The following MACF1 variants were observed in gnomAD, a reference collection of about 807,000 sequenced individuals.
The protein encoded by MACF1 is microtubule actin crosslinking factor 1.
A neutral mutation model predicts 854.8 loss-of-function variants in MACF1; 193 were observed. The observed-to-expected ratio is 0.23, with a 90% confidence interval of 0.20 to 0.25. MACF1 has a LOEUF of 0.25. MACF1 is among the 10% of genes least tolerant of loss of function. MACF1 has a pLI of 1.00. For synonymous variants in MACF1, 3,185 were observed against 3,226.7 expected (o/e 0.99, Z 0.44); for missense variants, 7,722 against 8,929.1 (o/e 0.86, Z 5.45).
intron 25 of MACF1, 44 bp downstream of exon 25, chr1:39,310,472 C>T (rs745494650): frequency 1.9e-6 from 3 of 1,568,894 alleles, no homozygotes; most frequent in Admixed American, 1.9e-5. Flanking sequence ...AGAATGAGAG[C>T]CTTTCAAGGG....
intron 26 of MACF1, 128 bp from the exon 27 acceptor site, chr1:39,315,385 A>G: frequency 1.4e-6 from 1 of 709,286 alleles, no homozygotes; most frequent in African/African-American, 1.8e-5. Context: ...TTCATAGTTT[A>G]TTCAACCAGC....
At chr1:39,447,087 T>C (rs940611579) in intron 80 of MACF1, among the ~76,000 whole-genome samples, 3 of 152,096 alleles carry the variant, frequency 2.0e-5, no homozygotes, top group African/African-American at 4.8e-5. Flanking sequence ...CCAAAGCAGG[T>C]TGTAGATCCT....
chr1:39,100,986 C>G (rs1357366991), intron 2 of MACF1, among the ~76,000 whole-genome samples: 2 of 152,108 alleles, frequency 1.3e-5, no homozygotes, highest in African/African-American at 4.8e-5. Context: ...GTCTTGAACT[C>G]CTGGGCTCAA....
intron 89 of MACF1, among the ~76,000 whole-genome samples, chr1:39,455,780 A>G (rs1440356338): frequency 1.3e-5 from 2 of 152,218 alleles, no homozygotes; most frequent in African/African-American, 4.8e-5. Context: ...GAAGGTGCAC[A>G]TTAGACTAAA....
At chr1:39,319,773 A>T in intron 31 of MACF1, 26 bp downstream of exon 31, 1 of 1,519,036 alleles carries the variant, frequency 6.6e-7, no homozygotes, top group African/African-American at 1.4e-5. Flanking sequence ...CCCAAAAAGA[A>T]CATGAATCAT....
chr1:39,100,935 T>C (rs1240669604), intron 2 of MACF1, among the ~76,000 whole-genome samples: 1 of 152,206 alleles, frequency 6.6e-6, no homozygotes, highest in Non-Finnish European at 1.5e-5. Flanking sequence ...TGTGTGTATG[T>C]ATATTTTTAG....
chr1:39,206,545 G>A (rs1644453034), intron 1 of MACF1: 1 of 152,064 alleles, frequency 6.6e-6, no homozygotes, highest in African/African-American at 2.4e-5. Context: ...TGTATTTTAA[G>A]TGCTTTCTTT....
chr1:39,252,542 TA>T (rs2148335477), intron 4 of MACF1, among the ~76,000 whole-genome samples: 1 of 152,318 alleles, frequency 6.6e-6, no homozygotes, highest in Admixed American at 6.5e-5. Context: ...GATTAGAGTA[TA>T]AGAGGAGTGT....
chr1:39,157,989 A>G (rs1643725501), intron 2 of MACF1, among the ~76,000 whole-genome samples: 1 of 152,210 alleles, frequency 6.6e-6, no homozygotes, highest in Admixed American at 6.5e-5. Flanking sequence ...ACTTTCAAAG[A>G]TGAGTCTAAT....
chr1:39,415,146 G>A (rs11206031), intron 58 of MACF1, among the ~76,000 whole-genome samples: 4,264 of 152,234 alleles, frequency 0.028, 193 homozygotes, highest in African/African-American at 0.097. Context: ...ATGCAAATAT[G>A]TGTTTCTGAA....
At chr1:39,280,652 A>G (rs907888701) in intron 6 of MACF1, among the ~76,000 whole-genome samples, 1 of 152,140 alleles carries the variant, frequency 6.6e-6, no homozygotes, top group African/African-American at 2.4e-5. Flanking sequence ...ATTTCAGCTC[A>G]CCACAACCTC....
At chr1:39,144,962 C>T (rs1428963836) in intron 2 of MACF1, among the ~76,000 whole-genome samples, 2 of 152,130 alleles carry the variant, frequency 1.3e-5, no homozygotes, top group Non-Finnish European at 2.9e-5. Context: ...GTCTGTCAGC[C>T]CCTTTATGGT....
intron 1 of MACF1, among the ~76,000 whole-genome samples, chr1:39,224,383 A>G (rs1644688931): frequency 6.6e-6 from 1 of 152,190 alleles, no homozygotes; most frequent in Non-Finnish European, 1.5e-5. Context: ...ACCAAAGAAG[A>G]AGGCAGAAAA....
chr1:39,119,608 C>CA (rs1383337197), intron 2 of MACF1, among the ~76,000 whole-genome samples: 1 of 152,050 alleles, frequency 6.6e-6, no homozygotes, highest in Non-Finnish European at 1.5e-5. Context: ...CAGCACCTTT[C>CA]ACAATGTTTC....
intron 2 of MACF1, among the ~76,000 whole-genome samples, chr1:39,235,777 C>T (rs1644854099): frequency 1.3e-5 from 2 of 152,180 alleles, no homozygotes; most frequent in Admixed American, 1.3e-4. Flanking sequence ...ACTCTGTTGC[C>T]AGGCTAGAGT....
intron 12 of MACF1, 21 bp from the exon 13 acceptor site, chr1:39,285,276 T>G (rs1399358711): frequency 1.9e-6 from 3 of 1,614,084 alleles, no homozygotes; most frequent in African/African-American, 1.3e-5. Context: ...TGCACATGAC[T>G]ATGGTTTTAT....
intron 61 of MACF1, among the ~76,000 whole-genome samples, chr1:39,426,374 T>C (rs982064920): frequency 6.6e-6 from 1 of 152,344 alleles, no homozygotes; most frequent in African/African-American, 2.4e-5. Context: ...TGGCGTAAAT[T>C]AGGTCTTCAG....
At chr1:39,256,453 G>A (rs1645097499) in intron 5 of MACF1, among the ~76,000 whole-genome samples, 1 of 152,154 alleles carries the variant, frequency 6.6e-6, no homozygotes, top group South Asian at 2.1e-4. Context: ...GTCATTGTAA[G>A]GGAGAAATGA....
intron 41 of MACF1, among the ~76,000 whole-genome samples, chr1:39,348,630 AT>A: frequency 6.6e-6 from 1 of 152,270 alleles, no homozygotes; most frequent in East Asian, 1.9e-4. Flanking sequence ...GAGAGGGCCA[AT>A]TTGGGCACCT....
Sources: allele counts gnomAD v4.1 joint callset (sites outside exome capture counted in the v4.1 genomes callset), GRCh38; gene constraint gnomAD v4.1.1; transcripts MANE v1.5; gene names NCBI Gene and HGNC (gene_info 2026-07-23, HGNC 2026-07-21).